The following FHDC1 variants were observed in gnomAD, a reference collection of about 807,000 sequenced individuals.
The protein encoded by FHDC1 is FH2 domain-containing protein 1.
In FHDC1, 25 loss-of-function variants were observed where a neutral mutation model predicts 52.6. That is an observed-to-expected ratio of 0.48 (90% CI 0.35 to 0.66). The LOEUF (loss-of-function observed/expected upper bound fraction) is 0.66. FHDC1 is among the 30% of genes least tolerant of loss of function. The pLI, the probability that FHDC1 is intolerant of heterozygous loss-of-function variation, is 0.01. For missense variants in FHDC1, 1,459 were observed against 1,452.8 expected (o/e 1.00, Z -0.07); for synonymous variants, 616 against 581.5 (o/e 1.06, Z -0.85).
chr4:152,976,284 A>G lies in FHDC1; in HGVS notation c.2993A>G (p.Glu998Gly). 6.2e-7 allele frequency: 1 copy of G among 1,613,482 alleles called. No individual in the cohort carries two copies. The highest frequency in any genetic ancestry group is 8.5e-7 in the Non-Finnish European group (1 of 1,179,988). The change falls in exon 12 of 12, where the codon GAG becomes GGG. Residue 998 changes from glutamate to glycine, a missense_variant. Glu to Gly is a moderately conservative substitution (Grantham distance 98). This residue lies in a region of FHDC1 where 939 missense variants were observed against 854.5 expected (regional missense o/e 1.10). Transcript: ENST00000511601. ...PLRNLPRQKPEENKTCRAHSE... is the reference protein window; with the variant it reads ...PLRNLPRQKPGENKTCRAHSE... ...AGGAACCTCCCCAGACAGAAGCCTG[A>G]GGAAAATAAGACCTGCCGCGCCCAC...
intron 4 of FHDC1, among the ~76,000 whole-genome samples, chr4:152,954,705 A>G (rs57611483): frequency 0.012 from 1,791 of 152,200 alleles, 35 homozygotes; most frequent in African/African-American, 0.04. Context: ...AAAGAAAGAA[A>G]GAAAAAAAGC....
the FHDC1 span, among the ~76,000 whole-genome samples, chr4:152,924,926 G>T: frequency 6.7e-6 from 1 of 150,056 alleles, no homozygotes; most frequent in African/African-American, 2.5e-5. Flanking sequence ...TGAGTTAATG[G>T]GTGCAGCACA....
At chr4:152,936,536 G>C (rs1344742451) in intron 1 of FHDC1, 127 bp downstream of exon 1, 2 of 152,322 alleles carry the variant, frequency 1.3e-5, no homozygotes, top group Admixed American at 6.5e-5. Flanking sequence ...GCGCCGAGAA[G>C]CGCGGCTGAT....
Position 152,976,011 on chromosome 4 carries a change from C to T in FHDC1, c.2720C>T (p.Pro907Leu). 6.5e-7 allele frequency: 1 copy of T among 1,548,172 alleles called. No homozygotes were observed. Among genetic ancestry groups the T allele is most frequent in the Non-Finnish European group, 8.7e-7 (1 of 1,151,358 alleles). Residue 907 changes from proline (P) to leucine (L), a missense_variant, in exon 12 of 12, where the codon CCC becomes CTC. Physicochemically the swap from Pro to Leu is moderately conservative, Grantham distance 98 (BLOSUM62 -3). Transcript: ENST00000511601. The stretch of plus-strand genomic sequence containing the variant: ...AACGAGAGCATGCGCAAGGTCATGC[C>T]CATCACCAAGTCCAGCAGAGGCGCC... Reference protein sequence around the residue: ...SENESMRKVMPITKSSRGAGW... With the variant: ...SENESMRKVMLITKSSRGAGW...
Position 152,976,783 on chromosome 4 carries a change from G to T in FHDC1, c.*60G>T. 3 of 1,441,728 alleles carry T rather than the reference G, an allele frequency of 2.1e-6. No homozygotes were observed. The highest frequency in any genetic ancestry group is 1.8e-6 in the Non-Finnish European group (2 of 1,093,494). The allele number at this position is 1,441,728 out of a possible 1,614,324, so 89.3% of individuals were successfully genotyped here. A position where few individuals can be genotyped will look rare whatever the true frequency, so the allele number is the denominator to read the frequency against. ...GACGGTGAAGACTGACTTCTGGGACGAGGATGGGGAAAGAGGCAGCATGTC... is the reference window on the plus strand; with the variant it reads ...GACGGTGAAGACTGACTTCTGGGACTAGGATGGGGAAAGAGGCAGCATGTC... On this transcript the variant is annotated 3_prime_UTR_variant, in exon 12 of 12. Coordinates refer to ENST00000511601, the MANE Select transcript of FHDC1 (RefSeq NM_001371116.1).
At position 152,974,517 on chromosome 4, in the gene FHDC1, T is replaced by G. The variant is rs1204608740; in HGVS notation, c.1384-158T>G. 4.6e-5 allele frequency among the ~76,000 whole-genome samples: 7 copies of G among 152,180 alleles called. No individual in the cohort carries two copies. The East Asian group carries it at 1.2e-3, about 25-fold the overall frequency. On this transcript the variant is annotated intron_variant, in intron 11 of 11. Coordinates refer to ENST00000511601, the MANE Select transcript of FHDC1 (RefSeq NM_001371116.1). The stretch of plus-strand genomic sequence containing the variant: ...ACACACATGCGTACACACACACACA[T>G]GCATGTGCACACACACAGCCTCTTT...
Position 152,972,344 on chromosome 4 carries a change from TA to T in FHDC1, c.1219-32del, listed in dbSNP as rs575309839. 716 of 1,572,636 alleles carry T rather than the reference TA, an allele frequency of 4.6e-4. 2 individuals carry two copies. The African/African-American group carries it at 8.3e-3, about 18-fold the overall frequency. ...CAGCGCCGCCTCAGCTGACAACGTT[TA>T]CCTCAGTGTGTGTTCGTTTGTTTTT... is the stretch of plus-strand genomic sequence containing the variant. On this transcript the variant is annotated intron_variant, in intron 10 of 11. Transcript: ENST00000511601.
the FHDC1 span, among the ~76,000 whole-genome samples, chr4:152,919,055 C>T: frequency 1.3e-5 from 2 of 152,202 alleles, no homozygotes; most frequent in Non-Finnish European, 2.9e-5. Context: ...TAGCCCTCCT[C>T]GTGCTTTGCA....
intron 10 of FHDC1, among the ~76,000 whole-genome samples, chr4:152,971,637 T>C (rs928055878): frequency 2.0e-5 from 3 of 152,104 alleles, no homozygotes; most frequent in African/African-American, 7.2e-5. Context: ...CTAGAAGAAT[T>C]AGGAGAAAAT....
chr4:152,925,749 G>A, the FHDC1 span, among the ~76,000 whole-genome samples: 1 of 149,938 alleles, frequency 6.7e-6, no homozygotes, highest in African/African-American at 2.5e-5. Flanking sequence ...TTCCCTAAGT[G>A]TCTAATCCAT....
intron 10 of FHDC1, 51 bp downstream of exon 10, chr4:152,968,148 C>T (rs750798488): frequency 1.5e-6 from 2 of 1,349,540 alleles, no homozygotes; most frequent in African/African-American, 1.5e-5. Context: ...CCAGCAGCAC[C>T]CCGGGGCTGG....
In FHDC1 at chr4:152,954,230, A is replaced by G. The variant is rs781282782; in HGVS notation, c.574A>G (p.Ile192Val). 3.1e-6 allele frequency: 5 copies of G among 1,613,950 alleles called. No individual in the cohort carries two copies. The highest frequency in any genetic ancestry group is 3.4e-6 in the Non-Finnish European group (4 of 1,179,828). Residue 192 changes from isoleucine to valine, a missense_variant, in exon 4 of 12, where the codon ATT becomes GTT. By Grantham distance (29) the Ile-to-Val change is conservative. Around this residue, in one of 3 missense-constraint regions of FHDC1, gnomAD observed 513 missense variants for 581.5 expected, o/e 0.88. Coordinates refer to ENST00000511601, the MANE Select transcript of FHDC1 (RefSeq NM_001371116.1). ...TGTCTTTTCAAGGTCTCCTCGGTCC[A>G]TTGTAGAAGATATTCATCAAGGAAA... Reference protein sequence around the residue: ...LKQFKKSPRSIVEDIHQGKSE... With the variant: ...LKQFKKSPRSVVEDIHQGKSE...
In FHDC1 at chr4:152,960,431, T is replaced by C. The variant is rs552055341; in HGVS notation, c.664-134T>C. 2.2e-4 allele frequency: 186 copies of C among 826,694 alleles called. 1 individual carries two copies. In the South Asian group the frequency reaches 3.3e-3, roughly 14 times the overall value. The allele number at this position is 826,694 out of a possible 1,614,324, so 51.2% of individuals were successfully genotyped here. On this transcript the variant is annotated intron_variant, in intron 4 of 11. Coordinates refer to ENST00000511601, the MANE Select transcript of FHDC1 (RefSeq NM_001371116.1). The stretch of plus-strand genomic sequence containing the variant: ...TAGCAGATGGGAGGATTTCCTTTTT[T>C]GTCTTTTCTAAATTAATTTGAATTT...
chr4:152,962,963 G>A (rs1416775561), intron 7 of FHDC1, 60 bp from the exon 8 acceptor site: 82 of 1,489,576 alleles, frequency 5.5e-5, no homozygotes, highest in Non-Finnish European at 7.6e-5. Flanking sequence ...GTGTGTGTGT[G>A]TGTGTGTGTG....
chr4:152,970,177 G>C (rs1325132844), intron 10 of FHDC1, among the ~76,000 whole-genome samples: 1 of 152,100 alleles, frequency 6.6e-6, no homozygotes, highest in Non-Finnish European at 1.5e-5. Flanking sequence ...AAAATAACAG[G>C]AACACATTTT....
chr4:152,927,897 A>G, the FHDC1 span: 1 of 1,375,164 alleles, frequency 7.3e-7, no homozygotes, highest in Non-Finnish European at 1.0e-6. Context: ...TCCCAGGTGA[A>G]GCTGTTGGCA....
intron 1 of FHDC1, 140 bp downstream of exon 1, chr4:152,936,549 G>C (rs1412383214): frequency 6.6e-6 from 1 of 152,316 alleles, no homozygotes; most frequent in African/African-American, 2.4e-5. Flanking sequence ...CGGCTGATGG[G>C]TGCCGGGTCT....
chr4:152,975,833 C>T lies in FHDC1; in HGVS notation c.2542C>T (p.Leu848=). 6.6e-7 allele frequency: 1 copy of T among 1,520,098 alleles called. No homozygotes were observed. The highest frequency in any genetic ancestry group is 8.8e-7 in the Non-Finnish European group (1 of 1,135,666). The allele number at this position is 1,520,098 out of a possible 1,614,324, so 94.2% of individuals were successfully genotyped here. ...TAGTGAGCCCAGCTGCAAGGGCGGC[C>T]TGCCCAGGGACAAACCCACCAAAAG... ...VDSEPSCKGG[L]PRDKPTKRKD... Residue 848 remains leucine (L), a synonymous_variant, in exon 12 of 12, where the codon CTG becomes TTG. Coordinates refer to ENST00000511601, the MANE Select transcript of FHDC1 (RefSeq NM_001371116.1).
chr4:152,938,789 G>A (rs906193880), intron 1 of FHDC1, among the ~76,000 whole-genome samples: 1 of 152,174 alleles, frequency 6.6e-6, no homozygotes, highest in African/African-American at 2.4e-5. Context: ...AAAGGAGTGA[G>A]TGACCAGCTG....
Sources: gnomAD v4.1 joint callset for allele counts (sites outside exome capture counted in the v4.1 genomes callset) on GRCh38, gnomAD v4.1.1 for gene constraint, gnomAD v4.1.1 regional missense constraint, MANE v1.5 for transcripts, NCBI Gene and HGNC (gene_info 2026-07-23, HGNC 2026-07-21) for gene names.